The following QRFPR variants were observed in gnomAD, a reference collection of about 807,000 sequenced individuals.
QRFPR encodes the protein pyroglutamylated RFamide peptide receptor, also known as pyroglutamylated RF-amide peptide receptor.
In QRFPR, 37 loss-of-function variants were observed where a neutral mutation model predicts 31.3. The observed-to-expected ratio is 1.18, with a 90% confidence interval of 0.91 to 1.56. The LOEUF (loss-of-function observed/expected upper bound fraction) is 1.56. QRFPR is among the 40% of genes most tolerant of loss of function. The probability of loss-of-function intolerance (pLI) is 0.00; values close to 1 mark genes in which losing one functional copy is unlikely to be tolerated. For missense variants in QRFPR, 542 were observed against 532.5 expected, an observed-to-expected ratio of 1.02 and a Z score of -0.18; for synonymous variants, 197 against 192.0, an observed-to-expected ratio of 1.03 and a Z score of -0.22.
chr4:121,378,285 G>C (rs1045275911), intron 1 of QRFPR, among the ~76,000 whole-genome samples: 1 of 151,660 alleles, frequency 6.6e-6, no homozygotes, highest in Non-Finnish European at 1.5e-5. Flanking sequence ...AGGGAGAAAA[G>C]AAAACTTGAG....
chr4:121,345,701 C>T (rs1285580104), intron 1 of QRFPR, among the ~76,000 whole-genome samples: 1 of 152,142 alleles, frequency 6.6e-6, no homozygotes, highest in Non-Finnish European at 1.5e-5. Context: ...TACTGCCTTC[C>T]ATTCTCAACT....
chr4:121,370,618 G>T (rs952948048), intron 1 of QRFPR, among the ~76,000 whole-genome samples: 1 of 152,176 alleles, frequency 6.6e-6, no homozygotes, highest in African/African-American at 2.4e-5. Flanking sequence ...GGTGAGAGTG[G>T]CAGTGACTTC....
intron 1 of QRFPR, among the ~76,000 whole-genome samples, chr4:121,359,780 T>TGC (rs1488837488): frequency 7.4e-6 from 1 of 134,792 alleles, no homozygotes; most frequent in Non-Finnish European, 1.7e-5. Flanking sequence ...TATATAGGAG[T>TGC]GTGTGTGTGT....
chr4:121,374,315 AT>A (rs1335030940), intron 1 of QRFPR, among the ~76,000 whole-genome samples: 2 of 152,166 alleles, frequency 1.3e-5, no homozygotes. Context: ...TGCCATTGCT[AT>A]TTTTTAAATA....
chr4:121,334,628 GA>G (rs944081003), intron 3 of QRFPR: 27 of 392,160 alleles, frequency 6.9e-5, no homozygotes, highest in South Asian at 1.2e-4. Flanking sequence ...GCCTGGCAGA[GA>G]AAAAAAGGTA....
intron 1 of QRFPR, among the ~76,000 whole-genome samples, chr4:121,346,547 C>A (rs1725654068): frequency 2.0e-5 from 3 of 152,132 alleles, no homozygotes; most frequent in African/African-American, 7.2e-5. Context: ...CCTTGTTTCT[C>A]TTAGTGGTTT....
intron 1 of QRFPR, among the ~76,000 whole-genome samples, chr4:121,377,248 A>G (rs973849770): frequency 4.6e-5 from 7 of 151,866 alleles, no homozygotes; most frequent in Admixed American, 4.6e-4. Flanking sequence ...CCTGGGCACC[A>G]CTCCAGCATG....
chr4:121,340,197 G>T, intron 2 of QRFPR: 2 of 401,552 alleles, frequency 5.0e-6, no homozygotes, highest in African/African-American at 2.0e-5. Context: ...TAGATTAGCT[G>T]AACATAGTGC....
At chr4:121,341,315 TG>T (rs1314091432) in intron 1 of QRFPR, among the ~76,000 whole-genome samples, 1 of 152,212 alleles carries the variant, frequency 6.6e-6, no homozygotes, top group Non-Finnish European at 1.5e-5. Flanking sequence ...CTTGAACCCA[TG>T]CTGCTTGCTG....
At chr4:121,343,225 G>C (rs1345257651) in intron 1 of QRFPR, among the ~76,000 whole-genome samples, 1 of 152,134 alleles carries the variant, frequency 6.6e-6, no homozygotes, top group African/African-American at 2.4e-5. Flanking sequence ...TCAAATGGCT[G>C]GCTTCCGTTG....
chr4:121,361,499 T>A (rs1725991295), intron 1 of QRFPR, among the ~76,000 whole-genome samples: 2 of 150,138 alleles, frequency 1.3e-5, no homozygotes, highest in African/African-American at 4.9e-5. Context: ...TATCCCGTGT[T>A]CCTCAGAAGC....
Position 121,341,940 on chromosome 4 carries a change from G to A in QRFPR, c.341-1330C>T, listed in dbSNP as rs13112247. On this transcript the variant is annotated intron_variant, in intron 1 of 5. Transcript: ENST00000394427. ...ATCCTTCCCTGAAGTCTGCTAAAATGTCACTGTGATGGTTAACTCTATGTG... is the reference window on the plus strand; with the variant it reads ...ATCCTTCCCTGAAGTCTGCTAAAATATCACTGTGATGGTTAACTCTATGTG... Among the ~76,000 whole-genome samples the A allele has an allele frequency of 6.2e-3, 942 of 152,250 alleles. 5 individuals are homozygous for A. Among genetic ancestry groups the A allele is most frequent in the Non-Finnish European group, 0.011 (718 of 68,034 alleles).
rs149117870 is a variant in QRFPR at position 121,329,372 on chromosome 4, T to C, written c.1238A>G (p.His413Arg). ...CAGTTCAGACCTAAAGAGAGCAAGATGTCGTTTGAGCTTTTTCTTCTCCTC... is the reference window on the plus strand; with the variant it reads ...CAGTTCAGACCTAAAGAGAGCAAGACGTCGTTTGAGCTTTTTCTTCTCCTC... ...QTEEKKKLKRHLALFRSELAE... is the reference protein window; with the variant it reads ...QTEEKKKLKRRLALFRSELAE... Residue 413 changes from histidine (H) to arginine (R), a missense_variant, in exon 6 of 6, where the codon CAT becomes CGT. By Grantham distance (29) the His-to-Arg change is conservative. Transcript: ENST00000394427. 2.5e-5 allele frequency: 41 copies of C among 1,613,998 alleles called. No individual in the cohort carries two copies. The African/African-American group carries it at 4.4e-4, about 17-fold the overall frequency.
chr4:121,369,263 A>C (rs1441027589), intron 1 of QRFPR, among the ~76,000 whole-genome samples: 1 of 152,228 alleles, frequency 6.6e-6, no homozygotes, highest in Non-Finnish European at 1.5e-5. Flanking sequence ...TCCTGACCTC[A>C]GGTGATCCAC....
intron 4 of QRFPR, among the ~76,000 whole-genome samples, chr4:121,331,500 C>T (rs13123048): frequency 0.43 from 64,371 of 151,074 alleles, 14,388 homozygotes; most frequent in East Asian, 0.73. Context: ...ATCTTAAAAA[C>T]ATGATTAACC....
At chr4:121,333,362 C>T (rs967343378) in intron 3 of QRFPR, among the ~76,000 whole-genome samples, 6 of 152,118 alleles carry the variant, frequency 3.9e-5, no homozygotes, top group Non-Finnish European at 8.8e-5. Context: ...AGTTTTCAAT[C>T]GACTGAAAGA....
intron 1 of QRFPR, among the ~76,000 whole-genome samples, chr4:121,355,840 G>A (rs960125191): frequency 6.6e-6 from 1 of 152,014 alleles, no homozygotes; most frequent in Non-Finnish European, 1.5e-5. Context: ...GGGGCATACT[G>A]TTTAATTTCC....
chr4:121,364,571 C>T (rs1011315399), intron 1 of QRFPR, among the ~76,000 whole-genome samples: 3 of 148,106 alleles, frequency 2.0e-5, no homozygotes, highest in East Asian at 2.0e-4. Flanking sequence ...ACCTGGGAGG[C>T]GGAGCTTGCT....
chr4:121,374,442 T>C (rs1018579942), intron 1 of QRFPR, among the ~76,000 whole-genome samples: 6 of 152,232 alleles, frequency 3.9e-5, no homozygotes, highest in African/African-American at 1.4e-4. Flanking sequence ...GCTGTCAGCA[T>C]TTACACTACA....
Sources: gnomAD v4.1 joint callset for allele counts (sites outside exome capture counted in the v4.1 genomes callset) on GRCh38, gnomAD v4.1.1 for gene constraint, MANE v1.5 for transcripts, NCBI Gene and HGNC (gene_info 2026-07-23, HGNC 2026-07-21) for gene names.